Variants in PKHD1 observed in about 807,000 individuals in gnomAD.
PKHD1 encodes fibrocystin.
Under a neutral mutation model 412.0 loss-of-function variants are expected in PKHD1, and 291 were observed. The observed-to-expected ratio is 0.71, with a 90% CI of 0.64 to 0.78. The LOEUF (loss-of-function observed/expected upper bound fraction) is 0.78. PKHD1 is among the 30% of genes least tolerant of loss of function. PKHD1 has a pLI of 0.00. For missense variants in PKHD1, 4,825 were observed against 4,950.7 expected, an observed-to-expected ratio of 0.97 and a Z score of 0.76; for synonymous variants, 1,777 against 1,821.5, an observed-to-expected ratio of 0.98 and a Z score of 0.62.
intron 47 of PKHD1, among the ~76,000 whole-genome samples, chr6:51,868,697 T>C (rs1775480314): frequency 6.6e-6 from 1 of 152,204 alleles, no homozygotes; most frequent in African/African-American, 2.4e-5. Context: ...GTGGTGAGTC[T>C]AACCCCTCCA....
intron 37 of PKHD1, among the ~76,000 whole-genome samples, chr6:51,923,604 A>T (rs1438060147): frequency 2.0e-5 from 3 of 152,204 alleles, no homozygotes; most frequent in African/African-American, 7.2e-5. Context: ...ATAAACATAA[A>T]ATCAAAGGCA....
At chr6:51,714,450 C>G (rs1781023041) in intron 60 of PKHD1, among the ~76,000 whole-genome samples, 1 of 152,080 alleles carries the variant, frequency 6.6e-6, no homozygotes, top group South Asian at 2.1e-4. Context: ...TCTTACATAC[C>G]ATGGAAGTGC....
rs765696714 is a variant in PKHD1 at position 52,026,036 on chromosome 6, G to A, written c.3774C>T (p.Pro1258=). 8.9e-5 allele frequency: 143 copies of A among 1,613,932 alleles called. No homozygotes were observed. In the East Asian group the frequency reaches 2.7e-3, roughly 30 times the overall value. ...WCETLPAPQI[P]DAGAPTVPAA... is the part of the protein sequence containing the mutation. Reference sequence around the variant, plus strand: ...CTGGAACAGTGGGAGCGCCCGCATCGGGTATCTGGGGGGCTGGCAGGGTTT... The same window carrying A: ...CTGGAACAGTGGGAGCGCCCGCATCAGGTATCTGGGGGGCTGGCAGGGTTT... Residue 1258 remains proline (P), a synonymous_variant, in exon 32 of 67, where the codon CCC becomes CCT. Transcript: ENST00000371117.
chr6:51,994,598 A>T (rs547884407), intron 35 of PKHD1, among the ~76,000 whole-genome samples: 2 of 151,834 alleles, frequency 1.3e-5, no homozygotes, highest in South Asian at 4.2e-4. Context: ...TTTCCTTGAG[A>T]CAGAGTATTA....
At chr6:51,645,559 A>C (rs1410327472) in intron 63 of PKHD1, among the ~76,000 whole-genome samples, 2 of 151,940 alleles carry the variant, frequency 1.3e-5, no homozygotes, top group Non-Finnish European at 1.5e-5. Context: ...ATGCCCGGCT[A>C]ATTTTTGCAT....
At chr6:51,808,394 C>A (rs1764171651) in intron 52 of PKHD1, among the ~76,000 whole-genome samples, 1 of 151,888 alleles carries the variant, frequency 6.6e-6, no homozygotes, top group Non-Finnish European at 1.5e-5. Flanking sequence ...ATCTTTTTCT[C>A]TTTGAATTTT....
chr6:51,930,251 C>T (rs1786361310), intron 37 of PKHD1, among the ~76,000 whole-genome samples: 1 of 152,026 alleles, frequency 6.6e-6, no homozygotes, highest in Non-Finnish European at 1.5e-5. Flanking sequence ...ATCCTGAGAC[C>T]CTTTAGTCAT....
chr6:51,927,317 T>C (rs1785807214), intron 37 of PKHD1, among the ~76,000 whole-genome samples: 1 of 151,990 alleles, frequency 6.6e-6, no homozygotes. Flanking sequence ...GACACATGCA[T>C]AGGATCAGGA....
intron 50 of PKHD1, among the ~76,000 whole-genome samples, chr6:51,841,982 C>T (rs1010577858): frequency 2.6e-5 from 4 of 152,244 alleles, no homozygotes; most frequent in African/African-American, 9.7e-5. Context: ...AGCATCTTTT[C>T]TGACCCATCT....
rs775048481 is a variant in PKHD1 at position 52,026,029 on chromosome 6, C to T, written c.3781G>A (p.Gly1261Ser). ...TLPAPQIPDA[G>S]APTVPAAVEV... ...ACGGCAGCTGGAACAGTGGGAGCGC[C>T]CGCATCGGGTATCTGGGGGGCTGGC... Residue 1261 changes from glycine (G) to serine (S), a missense_variant, in exon 32 of 67, where the codon GGC (glycine) becomes AGC (serine). Transcript: ENST00000371117. 1 of 1,614,090 alleles carries T rather than the reference C, an allele frequency of 6.2e-7. No homozygotes were observed. The highest frequency in any genetic ancestry group is 8.5e-7 in the Non-Finnish European group (1 of 1,180,028).
chr6:51,994,257 C>T (rs1797434117), intron 35 of PKHD1, among the ~76,000 whole-genome samples: 1 of 152,104 alleles, frequency 6.6e-6, no homozygotes. Flanking sequence ...GCCTCAGCCT[C>T]CCGGGTAGCT....
rs780068145 is a variant in PKHD1 at position 52,010,395 on chromosome 6, C to T, written c.5665G>A (p.Glu1889Lys). Residue 1889 changes from glutamate (E) to lysine (K), a missense_variant, in exon 35 of 67, where the codon GAG becomes AAG. Glu to Lys is a moderately conservative substitution (Grantham distance 56, BLOSUM62 1). Coordinates refer to ENST00000371117, the MANE Select transcript of PKHD1 (RefSeq NM_138694.4). Reference protein sequence around the residue: ...NSSCNITMETEAEMECETPNQ... With the variant: ...NSSCNITMETKAEMECETPNQ... ...GGCGTCTCACACTCCATCTCTGCCT[C>T]AGTTTCCATGGTAATGTTACAGGAG... 4.3e-6 allele frequency: 7 copies of T among 1,610,878 alleles called. No individual in the cohort carries two copies. Among genetic ancestry groups the T allele is most frequent in the Admixed American group, 1.7e-5 (1 of 60,018 alleles).
chr6:52,024,294 GTTAT>G (rs1437945980), intron 32 of PKHD1, among the ~76,000 whole-genome samples: 1 of 152,136 alleles, frequency 6.6e-6, no homozygotes, highest in Non-Finnish European at 1.5e-5. Context: ...TACAAATGGT[GTTAT>G]TTAATTTAAA....
intron 47 of PKHD1, 128 bp from the exon 48 acceptor site, chr6:51,868,237 A>G (rs1228445786): frequency 3.4e-6 from 3 of 895,238 alleles, no homozygotes; most frequent in Non-Finnish European, 5.3e-6. Context: ...TCATGCAAGA[A>G]AAAAAGTGTT....
intron 40 of PKHD1, among the ~76,000 whole-genome samples, chr6:51,907,745 A>G (rs1782342053): frequency 6.6e-6 from 1 of 152,274 alleles, no homozygotes; most frequent in African/African-American, 2.4e-5. Flanking sequence ...GAGGGGCTTC[A>G]GGGTGTTAAA....
At chr6:52,047,259 G>A (rs1259605948) in intron 23 of PKHD1, among the ~76,000 whole-genome samples, 1 of 152,136 alleles carries the variant, frequency 6.6e-6, no homozygotes, top group Non-Finnish European at 1.5e-5. Context: ...GGGCACGATT[G>A]ATGTTTTTTC....
At chr6:51,721,692 G>T (rs912454736) in intron 60 of PKHD1, 2 of 1,266,052 alleles carry the variant, frequency 1.6e-6, no homozygotes, top group African/African-American at 3.1e-5. Context: ...CATTCCCAAA[G>T]ATATCCTGAC....
intron 46 of PKHD1, among the ~76,000 whole-genome samples, chr6:51,872,791 C>T (rs1412358473): frequency 1.3e-5 from 2 of 151,138 alleles, no homozygotes; most frequent in Non-Finnish European, 2.9e-5. Context: ...GCAAAATGAA[C>T]TTCAACCTGG....
At chr6:51,889,632 G>A (rs1778799223) in intron 43 of PKHD1, among the ~76,000 whole-genome samples, 1 of 152,146 alleles carries the variant, frequency 6.6e-6, no homozygotes, top group Non-Finnish European at 1.5e-5. Context: ...TTTATTAGGG[G>A]GGTGATGAGG....
Sources: gnomAD v4.1 joint callset for allele counts (sites outside exome capture counted in the v4.1 genomes callset) on GRCh38, gnomAD v4.1.1 for gene constraint, MANE v1.5 for transcripts, NCBI Gene and HGNC (gene_info 2026-07-23, HGNC 2026-07-21) for gene names.